Variants in PARPBP observed in about 807,000 individuals in gnomAD.
PARPBP encodes the protein PARP1 binding protein.
In PARPBP, 52 loss-of-function variants were observed where a neutral mutation model predicts 50.0. The observed-to-expected ratio is 1.04, with a 90% CI of 0.83 to 1.31. The LOEUF (loss-of-function observed/expected upper bound fraction) is 1.31, where lower values mean the gene tolerates loss of function less well. Among genes scored for constraint, PARPBP ranks in the 50% most tolerant of loss-of-function variants. The pLI is 0.00. For synonymous variants in PARPBP, 244 were observed against 232.1 expected (o/e 1.05, Z -0.47); for missense variants, 697 against 672.0 (o/e 1.04, Z -0.41).
In PARPBP at chr12:102,156,345, C is replaced by T. The variant is rs551771311; in HGVS notation, c.495+2369C>T. On this transcript the variant is annotated intron_variant, in intron 4 of 10. Coordinates refer to ENST00000327680, the MANE Select transcript of PARPBP (RefSeq NM_017915.5). ...GGGACTACAGGTGCCCACCACCACA[C>T]CCAGCTAATTTTTTTTTTTTGTATT... 3.6e-3 allele frequency among the ~76,000 whole-genome samples: 497 copies of T among 139,616 alleles called. 5 individuals carry two copies. The highest frequency in any genetic ancestry group is 0.013 in the African/African-American group (479 of 36,926). 91.6% of individuals were successfully genotyped at this position (139,616 alleles called of 152,430 possible). A position where few individuals can be genotyped will look rare whatever the true frequency, so the allele number is the denominator to read the frequency against.
At chr12:102,159,417 G>T (rs989551197) in intron 4 of PARPBP, among the ~76,000 whole-genome samples, 2 of 152,136 alleles carry the variant, frequency 1.3e-5, no homozygotes, top group African/African-American at 4.8e-5. Flanking sequence ...GTGAGCCACC[G>T]CACCCAGCTG....
At chr12:102,151,551 C>T (rs183433636) in intron 3 of PARPBP, 7 of 1,526,146 alleles carry the variant, frequency 4.6e-6, no homozygotes, top group African/African-American at 2.7e-5. Flanking sequence ...TTTTTAGGAC[C>T]TTCTGATCTA....
chr12:102,165,631 T>C, intron 5 of PARPBP, 98 bp from the exon 6 acceptor site: 1 of 941,460 alleles, frequency 1.1e-6, no homozygotes, highest in Non-Finnish European at 1.6e-6. Context: ...CACTTTTAAC[T>C]GTATACCCAG....
At chr12:102,143,537 C>G (rs971963211) in intron 2 of PARPBP, among the ~76,000 whole-genome samples, 1 of 152,212 alleles carries the variant, frequency 6.6e-6, no homozygotes, top group Non-Finnish European at 1.5e-5. Context: ...GTTGGAAATG[C>G]AGAAATCACT....
rs543750968 is a variant in PARPBP at position 102,197,385 on chromosome 12, C to T, written c.*1094C>T. 9.3e-6 allele frequency: 8 copies of T among 859,498 alleles called. No homozygotes were observed. In the South Asian group the frequency reaches 1.2e-4, roughly 13 times the overall value. 53.2% of individuals were successfully genotyped at this position (859,498 alleles called of 1,614,324 possible). A position where few individuals can be genotyped will look rare whatever the true frequency, so the allele number is the denominator to read the frequency against. On this transcript the variant is annotated 3_prime_UTR_variant, in exon 11 of 11. Transcript: ENST00000327680. Reference sequence around the variant, plus strand: ...GAACTACCTGGCATGTAAGAAATATCGTCAGTCGTCCTAATGCATATTGTG... The same window carrying T: ...GAACTACCTGGCATGTAAGAAATATTGTCAGTCGTCCTAATGCATATTGTG...
intron 9 of PARPBP, among the ~76,000 whole-genome samples, chr12:102,186,811 A>G (rs1594626254): frequency 6.6e-6 from 1 of 152,162 alleles, no homozygotes; most frequent in Non-Finnish European, 1.5e-5. Context: ...GCCAGTCAAT[A>G]ACTTAAGTGT....
At chr12:102,142,141 G>A (rs1884705760) in intron 2 of PARPBP, among the ~76,000 whole-genome samples, 1 of 152,064 alleles carries the variant, frequency 6.6e-6, no homozygotes, top group Non-Finnish European at 1.5e-5. Context: ...TGTAAATTTG[G>A]TCTTTTCATA....
chr12:102,155,600 G>GT (rs879448493), intron 4 of PARPBP, among the ~76,000 whole-genome samples: 6 of 125,360 alleles, frequency 4.8e-5, no homozygotes, highest in Admixed American at 8.5e-5. Context: ...ATGGTGGGGG[G>GT]GGGGGGCGGG....
chr12:102,189,274 A>G lies in PARPBP; in HGVS notation c.1264-6038A>G, dbSNP rs939435054. On this transcript the variant is annotated intron_variant, in intron 9 of 10. Coordinates refer to ENST00000327680, the MANE Select transcript of PARPBP (RefSeq NM_017915.5). ...GACCCAGCATACTACAAAATGTCCC[A>G]TAGTCCTTTGAGAATCCATCTGCAG... Among the ~76,000 whole-genome samples the G allele has an allele frequency of 7.0e-4, 107 of 152,228 alleles. 3 individuals carry two copies. Among genetic ancestry groups the G allele is most frequent in the Non-Finnish European group, 1.8e-4 (12 of 68,024 alleles).
At chr12:102,148,510 C>G in intron 3 of PARPBP, 47 bp downstream of exon 3, 1 of 729,212 alleles carries the variant, frequency 1.4e-6, no homozygotes, top group Non-Finnish European at 2.2e-6. Flanking sequence ...TAAAATTTAG[C>G]TCTATTTATT....
At position 102,120,697 on chromosome 12, in the gene PARPBP, A is replaced by C. The variant is rs1289299755; in HGVS notation, c.-4+411A>C. ...GAACACTGATAATGATGTTGAGTGC[A>C]ATTTTTAAATTGAGCACCTACTAAA... On this transcript the variant is annotated intron_variant, in intron 1 of 10. Transcript: ENST00000327680. Among the ~76,000 whole-genome samples, 6 of 152,174 alleles carry C rather than the reference A, an allele frequency of 3.9e-5. No individual in the cohort carries two copies. In the South Asian group the frequency reaches 1.2e-3, roughly 32 times the overall value.
intron 4 of PARPBP, among the ~76,000 whole-genome samples, chr12:102,156,613 T>C (rs1886976246): frequency 6.6e-6 from 1 of 152,146 alleles, no homozygotes; most frequent in Non-Finnish European, 1.5e-5. Context: ...ATATTCAACA[T>C]ATTTTAATTA....
rs150296806 is a variant in PARPBP at position 102,148,685 on chromosome 12, G to A, written c.387+222G>A. 1,047 of 375,664 alleles carry A rather than the reference G, an allele frequency of 2.8e-3. 17 individuals carry two copies. Among genetic ancestry groups the A allele is most frequent in the African/African-American group, 0.02 (944 of 48,058 alleles). The allele number at this position is 375,664 out of a possible 1,614,324, so 23.3% of individuals were successfully genotyped here. A position where few individuals can be genotyped will look rare whatever the true frequency, so the allele number is the denominator to read the frequency against. The stretch of plus-strand genomic sequence containing the variant: ...TGTTATTGTTATTTAGTTGCTATAC[G>A]GATAGCTTCTTATTAGATCAAAAAT... On this transcript the variant is annotated intron_variant, in intron 3 of 10. Coordinates refer to ENST00000327680, the MANE Select transcript of PARPBP (RefSeq NM_017915.5).
At chr12:102,152,084 C>T in intron 3 of PARPBP, 2 of 354,594 alleles carry the variant, frequency 5.6e-6, no homozygotes, top group South Asian at 6.0e-5. Flanking sequence ...CTTTTATTTC[C>T]AACTGCATCC....
chr12:102,143,361 C>A (rs1884917374), intron 2 of PARPBP, among the ~76,000 whole-genome samples: 1 of 152,084 alleles, frequency 6.6e-6, no homozygotes, highest in South Asian at 2.1e-4. Context: ...TGGGAGTGTC[C>A]CGATTTTCCA....
intron 2 of PARPBP, among the ~76,000 whole-genome samples, chr12:102,128,881 G>A (rs1301076553): frequency 1.3e-5 from 2 of 152,054 alleles, no homozygotes; most frequent in Non-Finnish European, 2.9e-5. Context: ...TTTATTTTTT[G>A]AGAAACTTTC....
chr12:102,137,705 C>T (rs1053178797), intron 2 of PARPBP, among the ~76,000 whole-genome samples: 7 of 151,526 alleles, frequency 4.6e-5, no homozygotes, highest in Non-Finnish European at 8.8e-5. Context: ...CTTCCTGTGT[C>T]CATGTGTTCT....
intron 2 of PARPBP, among the ~76,000 whole-genome samples, chr12:102,145,334 A>G (rs570998438): frequency 2.0e-5 from 3 of 152,270 alleles, no homozygotes; most frequent in East Asian, 3.9e-4. Flanking sequence ...TATTAAAGGA[A>G]CTTAACTATA....
chr12:102,143,619 C>T (rs1423285132), intron 2 of PARPBP, among the ~76,000 whole-genome samples: 4 of 152,138 alleles, frequency 2.6e-5, no homozygotes, highest in East Asian at 3.9e-4. Context: ...GGAACCTCCT[C>T]CTAAAAATGT....
Sources: allele counts gnomAD v4.1 joint callset (sites outside exome capture counted in the v4.1 genomes callset), GRCh38; gene constraint gnomAD v4.1.1; transcripts MANE v1.5; gene names NCBI Gene and HGNC (gene_info 2026-07-23, HGNC 2026-07-21).